The following ARHGAP42 variants were observed in gnomAD, a reference collection of about 807,000 sequenced individuals.
The protein encoded by ARHGAP42 is rho GTPase-activating protein 42.
A neutral mutation model predicts 125.0 loss-of-function variants in ARHGAP42; 63 were observed. The observed-to-expected ratio is 0.50, with a 90% CI of 0.41 to 0.62. The LOEUF is 0.62. ARHGAP42 is among the 20% of genes least tolerant of loss of function. The pLI, the probability that ARHGAP42 is intolerant of heterozygous loss-of-function variation, is 0.00. For missense variants in ARHGAP42, 766 were observed against 1,024.2 expected (o/e 0.75, Z 3.44); for synonymous variants, 339 against 351.0 (o/e 0.97, Z 0.38).
intron 3 of ARHGAP42, among the ~76,000 whole-genome samples, chr11:100,815,819 A>G (rs1391567440): frequency 6.6e-6 from 1 of 152,068 alleles, no homozygotes; most frequent in East Asian, 1.9e-4. Flanking sequence ...CCCTCCCCAC[A>G]GCCCCTGGCA....
At chr11:100,744,382 T>G (rs1171577370) in intron 1 of ARHGAP42, among the ~76,000 whole-genome samples, 1 of 152,216 alleles carries the variant, frequency 6.6e-6, no homozygotes, top group Non-Finnish European at 1.5e-5. Flanking sequence ...TATCTGGTAT[T>G]TTAAAGATTT....
intron 17 of ARHGAP42, among the ~76,000 whole-genome samples, chr11:100,966,548 G>A (rs974486954): frequency 6.6e-6 from 1 of 151,936 alleles, no homozygotes; most frequent in Non-Finnish European, 1.5e-5. Flanking sequence ...ATTGGATGAG[G>A]CCCACCTACA....
At chr11:100,846,121 A>G (rs1242333035) in intron 3 of ARHGAP42, among the ~76,000 whole-genome samples, 1 of 152,190 alleles carries the variant, frequency 6.6e-6, no homozygotes, top group African/African-American at 2.4e-5. Context: ...ACCTTTTAGA[A>G]GTAGAAGTAA....
At position 100,761,561 on chromosome 11, in the gene ARHGAP42, A is replaced by G. The variant is rs1310469249; in HGVS notation, c.155-8782A>G. 2.6e-5 allele frequency among the ~76,000 whole-genome samples: 4 copies of G among 152,192 alleles called. 1 individual carries two copies. Among genetic ancestry groups the G allele is most frequent in the Non-Finnish European group, 1.5e-5 (1 of 68,036 alleles). On this transcript the variant is annotated intron_variant, in intron 1 of 23. Coordinates refer to ENST00000298815, the MANE Select transcript of ARHGAP42 (RefSeq NM_152432.4). ...TGTAGGTTTATAGAATCCGGATAAAATCTGGCCAAGTGTTGGTTCCTATTT... is the reference window on the plus strand; with the variant it reads ...TGTAGGTTTATAGAATCCGGATAAAGTCTGGCCAAGTGTTGGTTCCTATTT...
In ARHGAP42 at chr11:100,702,045, G is replaced by A. The variant is rs1861406820; in HGVS notation, c.154+14213G>A. Among the ~76,000 whole-genome samples the A allele has an allele frequency of 5.9e-5, 9 of 152,066 alleles. No homozygotes were observed. The South Asian group carries it at 1.5e-3, about 25-fold the overall frequency. On this transcript the variant is annotated intron_variant, in intron 1 of 23. Coordinates refer to ENST00000298815, the MANE Select transcript of ARHGAP42 (RefSeq NM_152432.4). ...TACACCTGTAATCCCAGCACTTTGG[G>A]AGGCCAAGGTGGGCAGATTGCTTGA...
At chr11:100,703,127 A>G (rs1861424688) in intron 1 of ARHGAP42, among the ~76,000 whole-genome samples, 1 of 152,156 alleles carries the variant, frequency 6.6e-6, no homozygotes, top group South Asian at 2.1e-4. Context: ...ACTGTTTCGT[A>G]TTACTTTCAG....
chr11:100,909,707 T>C (rs558678077), intron 4 of ARHGAP42, among the ~76,000 whole-genome samples: 1 of 152,288 alleles, frequency 6.6e-6, no homozygotes, highest in African/African-American at 2.4e-5. Context: ...TTGTATATGG[T>C]GAGAGAAAAG....
intron 12 of ARHGAP42, among the ~76,000 whole-genome samples, chr11:100,957,550 C>T (rs1857838251): frequency 6.6e-6 from 1 of 152,050 alleles, no homozygotes; most frequent in South Asian, 2.1e-4. Context: ...TAACTCTGCA[C>T]CATGAAACTA....
intron 4 of ARHGAP42, among the ~76,000 whole-genome samples, chr11:100,877,178 G>T (rs1865840101): frequency 6.6e-6 from 1 of 152,158 alleles, no homozygotes; most frequent in African/African-American, 2.4e-5. Flanking sequence ...AATAGTATTT[G>T]TTCAGTTTTT....
chr11:100,793,950 G>T (rs150544330), intron 2 of ARHGAP42, among the ~76,000 whole-genome samples: 1,657 of 151,746 alleles, frequency 0.011, 12 homozygotes, highest in Non-Finnish European at 0.018. Context: ...GCCAGGTGTG[G>T]TACACGCCTG....
At chr11:100,900,468 G>C (rs1866512764) in intron 4 of ARHGAP42, among the ~76,000 whole-genome samples, 1 of 152,114 alleles carries the variant, frequency 6.6e-6, no homozygotes, top group South Asian at 2.1e-4. Flanking sequence ...TGCTAGGTTG[G>C]GGAAGTTCTT....
chr11:100,786,036 C>CTTCA (rs1235066430), intron 2 of ARHGAP42, among the ~76,000 whole-genome samples: 1 of 152,126 alleles, frequency 6.6e-6, no homozygotes, highest in African/African-American at 2.4e-5. Flanking sequence ...ATAACACCTA[C>CTTCA]TTCAGCACCT....
In ARHGAP42 at chr11:100,993,679, A is replaced by G. The variant is rs534068076; in HGVS notation, c.*4878A>G. Reference sequence around the variant, plus strand: ...GGATGTTAAGATATTATATTTCAGTACTAGGAGCTTCTTTGCAGTCATTAA... The same window carrying G: ...GGATGTTAAGATATTATATTTCAGTGCTAGGAGCTTCTTTGCAGTCATTAA... On this transcript the variant is annotated 3_prime_UTR_variant, in exon 24 of 24. Transcript: ENST00000298815. 1.2e-5 allele frequency: 2 copies of G among 167,224 alleles called. No homozygotes were observed. The highest frequency in any genetic ancestry group is 4.8e-5 in the African/African-American group (2 of 41,578). 10.4% of individuals were successfully genotyped at this position (167,224 alleles called of 1,614,324 possible). A position where few individuals can be genotyped will look rare whatever the true frequency, so the allele number is the denominator to read the frequency against.
chr11:100,905,535 A>G (rs182255230), intron 4 of ARHGAP42, among the ~76,000 whole-genome samples: 1 of 152,236 alleles, frequency 6.6e-6, no homozygotes, highest in Non-Finnish European at 1.5e-5. Flanking sequence ...CATTGTCCAC[A>G]TAACAATATA....
chr11:100,744,922 G>C (rs1862266619), intron 1 of ARHGAP42, among the ~76,000 whole-genome samples: 1 of 152,202 alleles, frequency 6.6e-6, no homozygotes, highest in South Asian at 2.1e-4. Flanking sequence ...AGGGACAGGG[G>C]AGTTCTTATT....
In ARHGAP42 at chr11:100,992,518, G is replaced by C; in HGVS notation, c.*3717G>C. 3.7e-6 allele frequency: 6 copies of C among 1,613,994 alleles called. No individual in the cohort carries two copies. Among genetic ancestry groups the C allele is most frequent in the Non-Finnish European group, 5.1e-6 (6 of 1,179,936 alleles). Reference sequence around the variant, plus strand: ...TTTTAAGAAACAAAGATAGTTTTCTGAACATTCTGTGTCCTGCCTGTCTCC... The same window carrying C: ...TTTTAAGAAACAAAGATAGTTTTCTCAACATTCTGTGTCCTGCCTGTCTCC... On this transcript the variant is annotated 3_prime_UTR_variant, in exon 24 of 24. Coordinates refer to ENST00000298815, the MANE Select transcript of ARHGAP42 (RefSeq NM_152432.4).
intron 9 of ARHGAP42, among the ~76,000 whole-genome samples, chr11:100,943,558 G>A (rs992752372): frequency 6.6e-6 from 1 of 152,068 alleles, no homozygotes; most frequent in South Asian, 2.1e-4. Context: ...AATAAAACAT[G>A]CATATGCCAT....
chr11:100,943,546 T>G (rs1394111942), intron 9 of ARHGAP42, among the ~76,000 whole-genome samples: 1 of 152,138 alleles, frequency 6.6e-6, no homozygotes, highest in African/African-American at 2.4e-5. Context: ...ATAATTCTTT[T>G]AAATAAAACA....
chr11:100,931,922 G>C (rs958656906), intron 6 of ARHGAP42, among the ~76,000 whole-genome samples: 1 of 152,116 alleles, frequency 6.6e-6, no homozygotes, highest in East Asian at 1.9e-4. Context: ...ATAAGTATTA[G>C]TTGATGTAAA....
Sources: allele counts gnomAD v4.1 joint callset (sites outside exome capture counted in the v4.1 genomes callset), GRCh38; gene constraint gnomAD v4.1.1; transcripts MANE v1.5; gene names NCBI Gene and HGNC (gene_info 2026-07-23, HGNC 2026-07-21).